Variants in SPATA6 observed in about 807,000 individuals in gnomAD.
The protein encoded by SPATA6 is spermatogenesis-associated protein 6.
Under a neutral mutation model 65.3 loss-of-function variants are expected in SPATA6, and 56 were observed. The ratio of observed to expected loss-of-function variants is 0.86; its 90% CI spans 0.69 to 1.07. The LOEUF is 1.07. SPATA6 is among the 50% of genes least tolerant of loss of function. SPATA6 has a pLI of 0.00. For missense variants in SPATA6, 590 were observed against 594.8 expected, an observed-to-expected ratio of 0.99 and a Z score of 0.08; for synonymous variants, 199 against 213.2, an observed-to-expected ratio of 0.93 and a Z score of 0.58.
At chr1:48,370,575 AAT>A (rs1347477619) in intron 9 of SPATA6, among the ~76,000 whole-genome samples, 2 of 152,224 alleles carry the variant, frequency 1.3e-5, no homozygotes, top group Admixed American at 6.5e-5. Context: ...ATTCTAAAAT[AAT>A]ACAATAAGAA....
intron 2 of SPATA6, 32 bp from the exon 3 acceptor site, chr1:48,451,632 A>G (rs1355150674): frequency 1.3e-6 from 2 of 1,586,146 alleles, no homozygotes; most frequent in African/African-American, 1.4e-5. Context: ...AGAGGCAGGA[A>G]GGAAGATATA....
At chr1:48,379,315 A>G (rs558497588) in intron 9 of SPATA6, among the ~76,000 whole-genome samples, 33 of 152,286 alleles carry the variant, frequency 2.2e-4, no homozygotes, top group African/African-American at 7.7e-4. Flanking sequence ...CTCTCTCTCG[A>G]CAGGTGGGAA....
At chr1:48,365,705 G>A (rs1319944915) in intron 9 of SPATA6, among the ~76,000 whole-genome samples, 1 of 152,062 alleles carries the variant, frequency 6.6e-6, no homozygotes, top group Non-Finnish European at 1.5e-5. Context: ...TGAGATGATG[G>A]GGTTTTCTAG....
chr1:48,460,634 T>C (rs1657358055), intron 1 of SPATA6, among the ~76,000 whole-genome samples: 2 of 151,466 alleles, frequency 1.3e-5, no homozygotes. Context: ...AAGGAAGAAG[T>C]AAAACAATGT....
At chr1:48,422,229 T>C (rs1242060625) in intron 3 of SPATA6, among the ~76,000 whole-genome samples, 1 of 152,176 alleles carries the variant, frequency 6.6e-6, no homozygotes, top group Non-Finnish European at 1.5e-5. Flanking sequence ...TCTGGACAAA[T>C]TATTTTTTAA....
intron 11 of SPATA6, among the ~76,000 whole-genome samples, chr1:48,319,451 G>A (rs1645536027): frequency 6.6e-6 from 1 of 152,142 alleles, no homozygotes; most frequent in South Asian, 2.1e-4. Flanking sequence ...GAGCGCCTCT[G>A]TCATGGAGAG....
chr1:48,434,115 CTT>C (rs767382876), intron 3 of SPATA6, among the ~76,000 whole-genome samples: 1 of 151,978 alleles, frequency 6.6e-6, no homozygotes, highest in Non-Finnish European at 1.5e-5. Flanking sequence ...AAACAGGTGT[CTT>C]TAAATAGGAC....
intron 11 of SPATA6, among the ~76,000 whole-genome samples, chr1:48,324,122 T>G (rs1281998182): frequency 1.3e-5 from 2 of 151,586 alleles, no homozygotes; most frequent in Admixed American, 1.3e-4. Flanking sequence ...TCTACTCTAT[T>G]ATTATTATTA....
intron 3 of SPATA6, 99 bp from the exon 4 acceptor site, chr1:48,413,250 G>A (rs1652433897): frequency 2.3e-6 from 1 of 426,630 alleles, no homozygotes; most frequent in Non-Finnish European, 4.0e-6. Context: ...GTAATCACTA[G>A]GTAGACTACA....
the SPATA6 span, among the ~76,000 whole-genome samples, chr1:48,285,264 C>T: frequency 5.3e-5 from 8 of 152,180 alleles, no homozygotes; most frequent in South Asian, 4.2e-4. Context: ...TCAGTAATGG[C>T]GGACACCCCT....
intron 3 of SPATA6, among the ~76,000 whole-genome samples, chr1:48,419,794 G>A (rs950932307): frequency 6.6e-6 from 1 of 152,142 alleles, no homozygotes; most frequent in Admixed American, 6.5e-5. Context: ...TATGAAAAAT[G>A]AATATGTTTA....
intron 5 of SPATA6, among the ~76,000 whole-genome samples, chr1:48,407,212 A>G (rs896673599): frequency 2.0e-5 from 3 of 152,226 alleles, no homozygotes; most frequent in Admixed American, 2.0e-4. Context: ...ATAGATTAGG[A>G]AATCATTCAA....
intron 6 of SPATA6, among the ~76,000 whole-genome samples, chr1:48,401,799 G>A (rs1270469091): frequency 6.6e-6 from 1 of 152,086 alleles, no homozygotes. Flanking sequence ...CAGATCCACA[G>A]AACTGTGAGA....
At position 48,359,758 on chromosome 1, in the gene SPATA6, G is replaced by T. The variant is rs143430560; in HGVS notation, c.922C>A (p.Pro308Thr). ...GAGTCATCGAAGTCTCTCCCATGGG[G>T]TGTCCTGATAACCTGTTTTAAAAAT... ...RPKDYKVIRT[P>T]HGRDFDDSLE... is the part of the protein sequence containing the mutation. Residue 308 changes from proline to threonine, a missense_variant, in exon 10 of 13, where the codon CCC becomes ACC. By Grantham distance (38) the Pro-to-Thr change is conservative. Transcript: ENST00000371847. The T allele has an allele frequency of 1.6e-4, 259 of 1,610,984 alleles. No homozygotes were observed. Among genetic ancestry groups the T allele is most frequent in the Non-Finnish European group, 2.0e-4 (230 of 1,178,714 alleles).
intron 9 of SPATA6, among the ~76,000 whole-genome samples, chr1:48,374,869 T>C (rs1054783360): frequency 6.6e-6 from 1 of 152,142 alleles, no homozygotes; most frequent in Non-Finnish European, 1.5e-5. Context: ...CAAAACCATA[T>C]AAATATCAGC....
chr1:48,286,220 T>C, the SPATA6 span, among the ~76,000 whole-genome samples: 1 of 152,078 alleles, frequency 6.6e-6, no homozygotes, highest in African/African-American at 2.4e-5. Flanking sequence ...AAAAATGCCA[T>C]TGGGATTTTG....
intron 9 of SPATA6, 23 bp downstream of exon 9, chr1:48,385,286 A>G: frequency 6.3e-7 from 1 of 1,581,564 alleles, no homozygotes; most frequent in Non-Finnish European, 8.6e-7. Context: ...AACAATTATT[A>G]TTCTACAATT....
chr1:48,367,087 TC>T lies in SPATA6; in HGVS notation c.910-7318del, dbSNP rs1395087104. On this transcript the variant is annotated intron_variant, in intron 9 of 12. Transcript: ENST00000371847. Reference sequence around the variant, plus strand: ...TCATTCAGGAGCAGGTTGTTCAGTTTCCATGTAGTTGAGTGGTTTTGAGTGA... The same window carrying T: ...TCATTCAGGAGCAGGTTGTTCAGTTTCATGTAGTTGAGTGGTTTTGAGTGA... Among the ~76,000 whole-genome samples the T allele has an allele frequency of 2.6e-4, 39 of 152,336 alleles. 1 individual carries two copies. In the South Asian group the frequency reaches 7.7e-3, roughly 30 times the overall value.
Position 48,453,120 on chromosome 1 carries a change from T to C in SPATA6, c.63A>G (p.Pro21=), listed in dbSNP as rs751182715. Residue 21 remains proline, a synonymous_variant, in exon 2 of 13, where the codon CCA becomes CCG. Transcript: ENST00000371847. ...LALEISSVTC[P]GVVLKDKEDI... ...CCTCTTTGTCTTTAAGCACGACTCC[T>C]GGGCAAGTTACCTGAAAGAAATTAG... is the stretch of plus-strand genomic sequence containing the variant. The C allele has an allele frequency of 2.5e-6, 4 of 1,610,324 alleles. No individual in the cohort carries two copies. Among genetic ancestry groups the C allele is most frequent in the Non-Finnish European group, 3.4e-6 (4 of 1,178,864 alleles).
Sources: allele counts gnomAD v4.1 joint callset (sites outside exome capture counted in the v4.1 genomes callset), GRCh38; gene constraint gnomAD v4.1.1; transcripts MANE v1.5; gene names NCBI Gene and HGNC (gene_info 2026-07-23, HGNC 2026-07-21).